The following RLN2 variants were observed in gnomAD, a reference collection of about 807,000 sequenced individuals.
RLN2 encodes the protein prorelaxin H2.
In RLN2, 10 loss-of-function variants were observed where a neutral mutation model predicts 7.3. The observed-to-expected ratio is 1.36, with a 90% CI of 0.84 to 2.31. The LOEUF (loss-of-function observed/expected upper bound fraction) is 2.31. RLN2 is among the 30% of genes most tolerant of loss of function. The pLI is 0.00. For synonymous variants in RLN2, 103 were observed against 82.3 expected (o/e 1.25, Z -1.36); for missense variants, 298 against 217.6 (o/e 1.37, Z -2.32).
chr9:5,309,439 G>C (rs771624054), upstream of RLN2, among the ~76,000 whole-genome samples: 8 of 151,796 alleles, frequency 5.3e-5, no homozygotes, highest in Non-Finnish European at 1.0e-4. Flanking sequence ...TTCTCTCCAG[G>C]AGCATTTTCC....
chr9:5,335,716 C>A, the RLN2 span: 1 of 650,850 alleles, frequency 1.5e-6, no homozygotes, highest in Non-Finnish European at 2.6e-6. Context: ...ATAAATTAAA[C>A]ATTGAAACAC....
upstream of RLN2, among the ~76,000 whole-genome samples, chr9:5,308,590 C>T (rs1344009608): frequency 2.0e-5 from 3 of 151,956 alleles, no homozygotes; most frequent in Non-Finnish European, 1.5e-5. Flanking sequence ...CAAGGGACCC[C>T]AGAGCCCGGC....
the RLN2 span, among the ~76,000 whole-genome samples, chr9:5,325,487 T>C: frequency 1.3e-5 from 2 of 152,004 alleles, no homozygotes; most frequent in African/African-American, 4.8e-5. Context: ...AATAAAGCAA[T>C]AGAGAGAACT....
At chr9:5,315,231 A>G in the RLN2 span, among the ~76,000 whole-genome samples, 1 of 151,998 alleles carries the variant, frequency 6.6e-6, no homozygotes. Flanking sequence ...AAATCAGGAA[A>G]GCAATTCGTC....
the RLN2 span, among the ~76,000 whole-genome samples, chr9:5,337,590 G>T: frequency 6.6e-6 from 1 of 151,894 alleles, no homozygotes; most frequent in African/African-American, 2.4e-5. Flanking sequence ...GTGTAATAAC[G>T]TGAAAGCAAG....
chr9:5,317,495 T>G, the RLN2 span, among the ~76,000 whole-genome samples: 1 of 146,844 alleles, frequency 6.8e-6, no homozygotes, highest in South Asian at 2.3e-4. Flanking sequence ...CGAAGAGCTC[T>G]GAGGGAGAAC....
chr9:5,327,207 C>A, the RLN2 span, among the ~76,000 whole-genome samples: 2 of 152,084 alleles, frequency 1.3e-5, no homozygotes, highest in African/African-American at 4.8e-5. Flanking sequence ...GTGCCCTTTT[C>A]CAACAGTCTT....
chr9:5,316,425 AT>A, the RLN2 span, among the ~76,000 whole-genome samples: 6,010 of 151,898 alleles, frequency 0.04, 192 homozygotes, highest in Middle Eastern at 0.099. Flanking sequence ...ATTTCTTCAA[AT>A]GCTATCCTCC....
At chr9:5,318,572 T>G in the RLN2 span, among the ~76,000 whole-genome samples, 1 of 151,954 alleles carries the variant, frequency 6.6e-6, no homozygotes. Context: ...ACATTAATGT[T>G]TTTACTCAGC....
At chr9:5,335,354 C>A in the RLN2 span, 2 of 1,613,526 alleles carry the variant, frequency 1.2e-6, no homozygotes, top group Admixed American at 3.3e-5. Context: ...AGTATCCAAG[C>A]CTAAGTATTT....
chr9:5,302,593 T>G (rs7846945), intron 1 of RLN2, among the ~76,000 whole-genome samples: 29,041 of 152,012 alleles, frequency 0.19, 2,788 homozygotes, highest in South Asian at 0.22. Flanking sequence ...ATACTGCACA[T>G]CAATAAAGAA....
chr9:5,317,071 T>A, the RLN2 span, among the ~76,000 whole-genome samples: 1 of 151,594 alleles, frequency 6.6e-6, no homozygotes, highest in African/African-American at 2.4e-5. Flanking sequence ...CAAAAGATAA[T>A]AGCAGATACA....
At chr9:5,324,186 G>A in the RLN2 span, among the ~76,000 whole-genome samples, 1 of 152,090 alleles carries the variant, frequency 6.6e-6, no homozygotes, top group South Asian at 2.1e-4. Context: ...AAAGTGCAGG[G>A]TCTACAGCTG....
At chr9:5,319,182 G>A in the RLN2 span, among the ~76,000 whole-genome samples, 2 of 151,940 alleles carry the variant, frequency 1.3e-5, no homozygotes, top group East Asian at 3.8e-4. Flanking sequence ...TTTGGGAAGT[G>A]AAAGTTTCAA....
chr9:5,326,016 T>C, the RLN2 span, among the ~76,000 whole-genome samples: 1 of 152,054 alleles, frequency 6.6e-6, no homozygotes, highest in Non-Finnish European at 1.5e-5. Flanking sequence ...TTACCACAGT[T>C]ATAATGAAGT....
At chr9:5,313,835 G>A in the RLN2 span, among the ~76,000 whole-genome samples, 2 of 151,974 alleles carry the variant, frequency 1.3e-5, 1 homozygote, top group Admixed American at 1.3e-4. Flanking sequence ...GAGGATGTTA[G>A]AATACATTAA....
At chr9:5,330,361 G>T in the RLN2 span, among the ~76,000 whole-genome samples, 1 of 151,764 alleles carries the variant, frequency 6.6e-6, no homozygotes, top group African/African-American at 2.4e-5. Flanking sequence ...TAGAGAGGCC[G>T]GGTGTGGTGG....
the RLN2 span, among the ~76,000 whole-genome samples, chr9:5,317,995 T>TGTGTGCGTGTGC: frequency 8.5e-6 from 1 of 117,554 alleles, no homozygotes; most frequent in South Asian, 2.9e-4. Flanking sequence ...AACAAAACTA[T>TGTGTGCGTGTGC]GTGTGTGTGT....
the RLN2 span, among the ~76,000 whole-genome samples, chr9:5,315,157 T>C: frequency 6.6e-6 from 1 of 151,740 alleles, no homozygotes; most frequent in Non-Finnish European, 1.5e-5. Context: ...TGAAAAGGAA[T>C]TAAAAATAAT....
Sources: allele counts gnomAD v4.1 joint callset (sites outside exome capture counted in the v4.1 genomes callset), GRCh38; gene constraint gnomAD v4.1.1; transcripts MANE v1.5; gene names NCBI Gene and HGNC (gene_info 2026-07-23, HGNC 2026-07-21).